SCN10A: variants seen among roughly 807,000 people sequenced by gnomAD.
The protein encoded by SCN10A is sodium channel protein type 10 subunit alpha.
Under a neutral mutation model 170.7 loss-of-function variants are expected in SCN10A, and 162 were observed. That is an observed-to-expected ratio of 0.95 (90% CI 0.84 to 1.08). The LOEUF is 1.08. SCN10A is among the 50% of genes least tolerant of loss of function. The pLI, the probability that SCN10A is intolerant of heterozygous loss-of-function variation, is 0.00. For synonymous variants in SCN10A, 985 were observed against 904.6 expected, an observed-to-expected ratio of 1.09 and a Z score of -1.59; for missense variants, 2,527 against 2,436.9, an observed-to-expected ratio of 1.04 and a Z score of -0.78.
intron 11 of SCN10A, among the ~76,000 whole-genome samples, chr3:38,752,816 T>A (rs1224796483): frequency 6.6e-6 from 1 of 152,198 alleles, no homozygotes; most frequent in Admixed American, 6.5e-5. Flanking sequence ...CCTGGATAGT[T>A]CAGTTGATTG....
chr3:38,757,119 T>G lies in SCN10A; in HGVS notation c.991A>C (p.Asn331His), dbSNP rs1326895485. ...DGYICLKTSD[N>H]PDFNYTSFDS... ...AAGCTGGTGTAGTTAAAATCCGGGT[T>G]GTCAGAAGTTTTAAGGCAGATATAA... The change falls in exon 9 of 28, where the codon AAC (asparagine) becomes CAC (histidine). Residue 331 changes from asparagine to histidine, a missense_variant. By Grantham distance (68) the Asn-to-His change is moderately conservative (BLOSUM62 1). Coordinates refer to ENST00000449082, the MANE Select transcript of SCN10A (RefSeq NM_006514.4). 1 of 1,613,184 alleles carries G rather than the reference T, an allele frequency of 6.2e-7. No homozygotes were observed.
At chr3:38,789,754 G>A (rs1398470348) in intron 3 of SCN10A, among the ~76,000 whole-genome samples, 1 of 152,020 alleles carries the variant, frequency 6.6e-6, no homozygotes, top group African/African-American at 2.4e-5. Flanking sequence ...TATGGGCAAA[G>A]GGATTATCAA....
chr3:38,789,873 T>C (rs1191306591), intron 3 of SCN10A, among the ~76,000 whole-genome samples: 1 of 152,158 alleles, frequency 6.6e-6, no homozygotes, highest in African/African-American at 2.4e-5. Flanking sequence ...GACATTTTTC[T>C]TAGGAATAGC....
chr3:38,774,085 G>T (rs2126043794), intron 4 of SCN10A, among the ~76,000 whole-genome samples: 2 of 152,202 alleles, frequency 1.3e-5, no homozygotes, highest in East Asian at 3.9e-4. Context: ...AAAAGTAAAA[G>T]TCAAGTTAAA....
chr3:38,806,296 T>C (rs2064404097), intron 1 of SCN10A, among the ~76,000 whole-genome samples: 1 of 152,124 alleles, frequency 6.6e-6, no homozygotes, highest in African/African-American at 2.4e-5. Context: ...CCTGAGTCTT[T>C]ACCTCCGTAT....
At chr3:38,711,193 C>T (rs1219856016) in intron 23 of SCN10A, among the ~76,000 whole-genome samples, 1 of 152,242 alleles carries the variant, frequency 6.6e-6, no homozygotes, top group Non-Finnish European at 1.5e-5. Flanking sequence ...CCAATTGCTA[C>T]AAGTCTGCTC....
intron 27 of SCN10A, among the ~76,000 whole-genome samples, chr3:38,700,890 C>T (rs1423503290): frequency 6.6e-6 from 1 of 152,130 alleles, no homozygotes; most frequent in Non-Finnish European, 1.5e-5. Flanking sequence ...CATGATTTGG[C>T]CTTTATAGGG....
chr3:38,730,072 C>T (rs1339347714), intron 15 of SCN10A, among the ~76,000 whole-genome samples: 3 of 152,154 alleles, frequency 2.0e-5, no homozygotes, highest in Non-Finnish European at 4.4e-5. Context: ...GCATTAGTAA[C>T]TAGTATGGGG....
At chr3:38,712,478 C>G (rs901146861) in intron 22 of SCN10A, 33 bp from the exon 23 acceptor site, 7 of 1,602,308 alleles carry the variant, frequency 4.4e-6, no homozygotes, top group African/African-American at 1.3e-5. Flanking sequence ...CTGGAACCTC[C>G]CAATGCCCCA....
chr3:38,745,905 T>G (rs2063680894), intron 13 of SCN10A, among the ~76,000 whole-genome samples: 2 of 151,746 alleles, frequency 1.3e-5, no homozygotes, highest in Admixed American at 6.6e-5. Context: ...GCTTAACTAT[T>G]AAACATTTAG....
At chr3:38,774,624 G>A (rs1177692032) in intron 4 of SCN10A, among the ~76,000 whole-genome samples, 1 of 152,138 alleles carries the variant, frequency 6.6e-6, no homozygotes, top group Non-Finnish European at 1.5e-5. Context: ...CCGATATTCA[G>A]GCTCTGAAAA....
At chr3:38,738,972 A>T (rs2063599663) in intron 15 of SCN10A, among the ~76,000 whole-genome samples, 1 of 152,152 alleles carries the variant, frequency 6.6e-6, no homozygotes, top group Non-Finnish European at 1.5e-5. Flanking sequence ...GACTTCCTTG[A>T]GGCTGGAAGG....
At chr3:38,700,862 C>T (rs2063149000) in intron 27 of SCN10A, among the ~76,000 whole-genome samples, 1 of 152,192 alleles carries the variant, frequency 6.6e-6, no homozygotes, top group Non-Finnish European at 1.5e-5. Flanking sequence ...ATTTATAATG[C>T]CAGGTGAAGC....
intron 1 of SCN10A, among the ~76,000 whole-genome samples, chr3:38,814,124 A>G (rs1227487908): frequency 6.6e-6 from 1 of 152,182 alleles, no homozygotes; most frequent in Non-Finnish European, 1.5e-5. Flanking sequence ...AGAGGAAGAG[A>G]GGGAAGGCAC....
chr3:38,795,297 AG>A (rs995499090), intron 1 of SCN10A, among the ~76,000 whole-genome samples: 13 of 151,238 alleles, frequency 8.6e-5, no homozygotes, highest in Non-Finnish European at 1.6e-4. Context: ...GGCTAAAGTC[AG>A]GGGGCCCTTC....
intron 4 of SCN10A, among the ~76,000 whole-genome samples, chr3:38,771,631 G>A (rs1431330134): frequency 6.6e-6 from 1 of 152,248 alleles, no homozygotes; most frequent in African/African-American, 2.4e-5. Context: ...AGGGATGTGT[G>A]TGGCTGGGAC....
intron 20 of SCN10A, 145 bp from the exon 21 acceptor site, chr3:38,718,971 C>T: frequency 1.4e-6 from 1 of 721,942 alleles, no homozygotes; most frequent in Non-Finnish European, 2.2e-6. Flanking sequence ...ATTTTGTTTG[C>T]TGTGGGGAGG....
chr3:38,746,100 T>TATATATATATATATAG (rs71085336), intron 13 of SCN10A, among the ~76,000 whole-genome samples: 9 of 99,832 alleles, frequency 9.0e-5, no homozygotes, highest in African/African-American at 1.1e-4. Context: ...TATATATATA[T>TATATATATATATATAG]GCCATCTTTG....
intron 1 of SCN10A, among the ~76,000 whole-genome samples, chr3:38,803,624 G>A (rs1323119304): frequency 1.4e-5 from 2 of 144,142 alleles, no homozygotes; most frequent in Non-Finnish European, 3.0e-5. Flanking sequence ...CACAGGAAGG[G>A]GAACATCACA....
Sources: allele counts gnomAD v4.1 joint callset (sites outside exome capture counted in the v4.1 genomes callset), GRCh38; gene constraint gnomAD v4.1.1; transcripts MANE v1.5; gene names NCBI Gene and HGNC (gene_info 2026-07-23, HGNC 2026-07-21).